The following CFAP53 variants were observed in gnomAD, a reference collection of about 807,000 sequenced individuals.
CFAP53 encodes cilia- and flagella-associated protein 53.
CFAP53 carries 62 observed loss-of-function variants against 59.7 expected under a neutral mutation model. The observed-to-expected ratio is 1.04, with a 90% CI of 0.85 to 1.28. CFAP53 has a LOEUF of 1.28. Among genes scored for constraint, CFAP53 ranks in the 50% most tolerant of loss-of-function variants. The probability of loss-of-function intolerance (pLI) is 0.00; values close to 1 mark genes in which losing one functional copy is unlikely to be tolerated. For synonymous variants in CFAP53, 218 were observed against 205.7 expected (o/e 1.06, Z -0.51); for missense variants, 629 against 615.6 (o/e 1.02, Z -0.23).
rs2033536121 is a variant in CFAP53, at chr18:50,227,510, C to T, written c.1416G>A (p.Glu472=). The change falls in exon 8 of 8, where the codon GAG becomes GAA. Residue 472 remains glutamate, a synonymous_variant. Coordinates refer to ENST00000398545, the MANE Select transcript of CFAP53 (RefSeq NM_145020.5). ...TGTTTGCTGCTACACCTGCTTCAAA[C>T]TCTCGGCGTTTCTCTTCCTTCTCTG... is the stretch of plus-strand genomic sequence containing the variant. ...QEAEKEEKRR[E]FEAGVAANKM... is the part of the protein sequence containing the mutation. 3.1e-6 allele frequency: 5 copies of T among 1,614,068 alleles called. No homozygotes were observed. Among genetic ancestry groups the T allele is most frequent in the Non-Finnish European group, 4.2e-6 (5 of 1,180,026 alleles).
At chr18:50,265,338 T>G (rs567827390) in intron 1 of CFAP53, among the ~76,000 whole-genome samples, 1 of 152,312 alleles carries the variant, frequency 6.6e-6, no homozygotes, top group South Asian at 2.1e-4. Flanking sequence ...AAAATAAAAT[T>G]ACCTTCGAGG....
chr18:50,266,025 C>G (rs2033962062), intron 1 of CFAP53, among the ~76,000 whole-genome samples: 1 of 152,232 alleles, frequency 6.6e-6, no homozygotes, highest in South Asian at 2.1e-4. Context: ...AGACATCCTT[C>G]CGGTGTCTTG....
intron 1 of CFAP53, among the ~76,000 whole-genome samples, chr18:50,265,943 C>G (rs1444922899): frequency 6.6e-6 from 1 of 152,188 alleles, no homozygotes; most frequent in Non-Finnish European, 1.5e-5. Context: ...ATCATAGGCC[C>G]GCCCTGCCCC....
Position 50,227,335 on chromosome 18 carries a change from T to TA in CFAP53, c.*45dup. On this transcript the variant is annotated 3_prime_UTR_variant, in exon 8 of 8. Transcript: ENST00000398545. ...AAGAAGCATACAAGCATACTGTAGTTAAAAATATTAAAAGACCAAGAAAAG... is the reference window on the plus strand; with the variant it reads ...AAGAAGCATACAAGCATACTGTAGTTAAAAAATATTAAAAGACCAAGAAAAG... The TA allele has an allele frequency of 6.7e-7, 1 of 1,499,536 alleles. No homozygotes were observed. Among genetic ancestry groups the TA allele is most frequent in the South Asian group, 1.2e-5 (1 of 86,860 alleles). 92.9% of individuals were successfully genotyped at this position (1,499,536 alleles called of 1,614,324 possible). A position where few individuals can be genotyped will look rare whatever the true frequency, so the allele number is the denominator to read the frequency against.
At chr18:50,258,645 C>T (rs914899317) in intron 3 of CFAP53, among the ~76,000 whole-genome samples, 7 of 152,084 alleles carry the variant, frequency 4.6e-5, no homozygotes, top group African/African-American at 7.2e-5. Flanking sequence ...GCAAAAGATA[C>T]AATCAACAAA....
Position 50,261,252 on chromosome 18 carries a change from C to CAAAAAAA in CFAP53, c.300-22_300-16dup, listed in dbSNP as rs71169499. 11 of 1,215,710 alleles carry CAAAAAAA rather than the reference C, an allele frequency of 9.0e-6. No individual in the cohort carries two copies. The highest frequency in any genetic ancestry group is 2.2e-5 in the South Asian group (1 of 46,184). The allele number at this position is 1,215,710 out of a possible 1,614,324, so 75.3% of individuals were successfully genotyped here. On this transcript the variant is annotated splice_polypyrimidine_tract_variant and intron_variant, in intron 2 of 7. Coordinates refer to ENST00000398545, the MANE Select transcript of CFAP53 (RefSeq NM_145020.5). The stretch of plus-strand genomic sequence containing the variant: ...GCTCACGTAGCCTGAAACAAAAAGC[C>CAAAAAAA]AAAAAAAAAAAAAAAAAAAGAAAAC...
intron 5 of CFAP53, among the ~76,000 whole-genome samples, chr18:50,247,068 A>G (rs918297196): frequency 6.6e-6 from 1 of 152,040 alleles, no homozygotes; most frequent in Non-Finnish European, 1.5e-5. Flanking sequence ...AACTCTTACA[A>G]TTCAATAATA....
At chr18:50,243,951 C>CA (rs759224070) in intron 5 of CFAP53, among the ~76,000 whole-genome samples, 1,743 of 114,792 alleles carry the variant, frequency 0.015, 15 homozygotes, top group Non-Finnish European at 0.021. Context: ...GACTCCGTTT[C>CA]AAAAAAAAAA....
At chr18:50,243,959 A>G (rs764791638) in intron 5 of CFAP53, among the ~76,000 whole-genome samples, 39 of 152,092 alleles carry the variant, frequency 2.6e-4, no homozygotes, top group Middle Eastern at 3.4e-3. Flanking sequence ...TTCAAAAAAA[A>G]AAAAACAAAA....
intron 7 of CFAP53, among the ~76,000 whole-genome samples, chr18:50,233,266 C>A (rs2033599389): frequency 6.6e-6 from 1 of 152,060 alleles, no homozygotes; most frequent in South Asian, 2.1e-4. Context: ...AATTTTTAAA[C>A]CTCCCTTAAA....
intron 5 of CFAP53, among the ~76,000 whole-genome samples, chr18:50,248,360 C>T (rs2033765819): frequency 6.6e-6 from 1 of 152,156 alleles, no homozygotes. Flanking sequence ...CTGGATTGCT[C>T]ATGTATTGCT....
chr18:50,246,261 G>A (rs1374795138), intron 5 of CFAP53, among the ~76,000 whole-genome samples: 1 of 152,164 alleles, frequency 6.6e-6, no homozygotes, highest in Non-Finnish European at 1.5e-5. Flanking sequence ...TTGTTATACT[G>A]GACTAAGGAT....
intron 3 of CFAP53, among the ~76,000 whole-genome samples, chr18:50,260,126 G>T (rs1352948388): frequency 6.6e-6 from 1 of 152,152 alleles, no homozygotes; most frequent in Non-Finnish European, 1.5e-5. Flanking sequence ...TTCCCTCTGT[G>T]TAAGTGCACA....
chr18:50,254,541 A>G (rs115803291), intron 3 of CFAP53, among the ~76,000 whole-genome samples: 250 of 152,352 alleles, frequency 1.6e-3, no homozygotes, highest in African/African-American at 5.7e-3. Context: ...TGGTGGGATT[A>G]TAAAATGGTA....
Position 50,243,039 on chromosome 18 carries a change from T to G in CFAP53, c.1074A>C (p.Lys358Asn), listed in dbSNP as rs764035951. Residue 358 changes from lysine (K) to asparagine (N), a missense_variant, in exon 6 of 8, where the codon AAA becomes AAC. Transcript: ENST00000398545. ...CTTCCTCTAATATTCTGTCAAATTCTTTCTCCTGAGCTTTTTCTTCCTCAC... is the reference window on the plus strand; with the variant it reads ...CTTCCTCTAATATTCTGTCAAATTCGTTCTCCTGAGCTTTTTCTTCCTCAC... ...QRREEEKAQEKEFDRILEEDK... is the reference protein window; with the variant it reads ...QRREEEKAQENEFDRILEEDK... 8 of 1,613,888 alleles carry G rather than the reference T, an allele frequency of 5.0e-6. No homozygotes were observed. The Admixed American group carries it at 1.3e-4, about 27-fold the overall frequency.
chr18:50,249,076 G>A (rs1425060911), intron 5 of CFAP53, among the ~76,000 whole-genome samples: 4 of 151,278 alleles, frequency 2.6e-5, no homozygotes, highest in South Asian at 2.1e-4. Context: ...AGTGGCACCC[G>A]CCTGTAATCC....
intron 3 of CFAP53, among the ~76,000 whole-genome samples, chr18:50,258,780 A>G (rs2033866916): frequency 6.6e-6 from 1 of 152,202 alleles, no homozygotes; most frequent in Non-Finnish European, 1.5e-5. Flanking sequence ...TATTCCAATC[A>G]AAAAATGGAC....
chr18:50,239,162 T>A (rs1599117087), intron 6 of CFAP53, among the ~76,000 whole-genome samples: 3 of 151,486 alleles, frequency 2.0e-5, no homozygotes, highest in Admixed American at 6.6e-5. Flanking sequence ...CTGAGGCAGG[T>A]GGGTCACCTG....
At chr18:50,255,103 C>CA (rs2033835561) in intron 3 of CFAP53, among the ~76,000 whole-genome samples, 1 of 152,176 alleles carries the variant, frequency 6.6e-6, no homozygotes, top group African/African-American at 2.4e-5. Flanking sequence ...GAATACTACT[C>CA]AGCAATAAAA....
Sources: gnomAD v4.1 joint callset for allele counts (sites outside exome capture counted in the v4.1 genomes callset) on GRCh38, gnomAD v4.1.1 for gene constraint, MANE v1.5 for transcripts, NCBI Gene and HGNC (gene_info 2026-07-23, HGNC 2026-07-21) for gene names.